Variants in TRERF1 observed in about 807,000 individuals in gnomAD.
TRERF1 encodes the protein transcriptional-regulating factor 1.
A neutral mutation model predicts 122.9 loss-of-function variants in TRERF1; 27 were observed. The ratio of observed to expected loss-of-function variants is 0.22; its 90% CI spans 0.16 to 0.30. The LOEUF (loss-of-function observed/expected upper bound fraction) is 0.30, where lower values mean the gene tolerates loss of function less well. Among genes scored for constraint, TRERF1 ranks in the 10% least tolerant of loss-of-function variants. The pLI is 1.00. For synonymous variants in TRERF1, 636 were observed against 641.7 expected, an observed-to-expected ratio of 0.99 and a Z score of 0.13; for missense variants, 1,248 against 1,560.3, an observed-to-expected ratio of 0.80 and a Z score of 3.37.
chr6:42,333,441 G>A (rs564630713), intron 3 of TRERF1, among the ~76,000 whole-genome samples: 5 of 152,294 alleles, frequency 3.3e-5, no homozygotes, highest in East Asian at 1.9e-4. Context: ...GACCCGGAAC[G>A]TTGTCCTATC....
chr6:42,383,327 A>G (rs1776269371), intron 2 of TRERF1, among the ~76,000 whole-genome samples: 1 of 152,144 alleles, frequency 6.6e-6, no homozygotes, highest in African/African-American at 2.4e-5. Flanking sequence ...GACTTCTGGG[A>G]CACTGTGTAT....
intron 3 of TRERF1, among the ~76,000 whole-genome samples, chr6:42,318,218 G>A (rs1242852111): frequency 1.3e-5 from 2 of 151,514 alleles, no homozygotes; most frequent in Non-Finnish European, 2.9e-5. Flanking sequence ...CCACTCTAAC[G>A]CTACAAGAAA....
chr6:42,307,598 T>C (rs930603458), intron 3 of TRERF1, among the ~76,000 whole-genome samples: 3 of 151,856 alleles, frequency 2.0e-5, no homozygotes, highest in African/African-American at 7.3e-5. Flanking sequence ...GGGTGGGTCA[T>C]CTGTGCTGAT....
chr6:42,427,560 T>C (rs909517256), intron 2 of TRERF1, among the ~76,000 whole-genome samples: 2 of 151,252 alleles, frequency 1.3e-5, no homozygotes, highest in Non-Finnish European at 2.9e-5. Flanking sequence ...CTTACTTTTT[T>C]TTTTTTTTGA....
rs757216186 is a variant in TRERF1, at chr6:42,228,509, G to A, written c.3439C>T (p.Leu1147=). 36 of 1,614,026 alleles carry A rather than the reference G, an allele frequency of 2.2e-5. 1 individual carries two copies. The highest frequency in any genetic ancestry group is 3.3e-4 in the Middle Eastern group (2 of 6,084). The change falls in exon 18 of 18, where the codon CTG becomes TTG. Residue 1147 remains leucine, a synonymous_variant. Coordinates refer to ENST00000372922, the Ensembl canonical transcript of TRERF1. This position sits in a 1 kb window ranked among gnomAD's most constrained non-coding sequence, Gnocchi z 4.2. ...GGTTTGATCAGACTCAGCTGGTCCA[G>A]GGGCAGCAGCCCCGGCGCCCCCACG...
chr6:42,440,976 A>G (rs1008563269), intron 2 of TRERF1, among the ~76,000 whole-genome samples: 1 of 152,108 alleles, frequency 6.6e-6, no homozygotes, highest in Non-Finnish European at 1.5e-5. Flanking sequence ...CTCTGCCTAC[A>G]TTACCACAAT....
At chr6:42,248,324 C>A (rs1368820702) in intron 13 of TRERF1, among the ~76,000 whole-genome samples, 1 of 152,058 alleles carries the variant, frequency 6.6e-6, no homozygotes, top group Non-Finnish European at 1.5e-5. Context: ...AGGGCCACCA[C>A]CCAATTTATT....
chr6:42,275,638 C>T lies in TRERF1; in HGVS notation c.-258-5790G>A, dbSNP rs1220916931. ...CAACACTGCGCTAGGCAAAGGAGACCTAGAGTGGCTTGTTCCCCTCTGCAG... is the reference window on the plus strand; with the variant it reads ...CAACACTGCGCTAGGCAAAGGAGACTTAGAGTGGCTTGTTCCCCTCTGCAG... On this transcript the variant is annotated intron_variant, in intron 4 of 17. Transcript: ENST00000372922. The surrounding 1 kb of genome is among the most constrained non-coding windows in gnomAD (Gnocchi z 4.1). Among the ~76,000 whole-genome samples the T allele has an allele frequency of 6.6e-6, 1 of 152,242 alleles. No homozygotes were observed. The highest frequency in any genetic ancestry group is 2.4e-5 in the African/African-American group (1 of 41,464).
intron 2 of TRERF1, among the ~76,000 whole-genome samples, chr6:42,450,440 G>A (rs1029036268): frequency 3.5e-4 from 53 of 152,338 alleles, no homozygotes; most frequent in African/African-American, 1.1e-3. Context: ...ATCCCCTTCA[G>A]TACTGGCACT....
chr6:42,261,950 C>T (rs968388644), intron 8 of TRERF1, among the ~76,000 whole-genome samples: 6 of 152,192 alleles, frequency 3.9e-5, no homozygotes, highest in Non-Finnish European at 8.8e-5. Flanking sequence ...AATTTCTTGT[C>T]TGCCCCTGTC....
rs1051185481 is a variant in TRERF1, at chr6:42,396,933, C to T, written c.-453-33854G>A. On this transcript the variant is annotated intron_variant, in intron 2 of 17. Transcript: ENST00000372922. ...TACACACACCCTGAAGGAGGCGCTG[C>T]GGCCCTCACCCACAAACCCCCTTGG... is the stretch of plus-strand genomic sequence containing the variant. Among the ~76,000 whole-genome samples the T allele has an allele frequency of 3.9e-5, 6 of 152,258 alleles. No individual in the cohort carries two copies. The East Asian group carries it at 5.8e-4, about 15-fold the overall frequency.
At position 42,393,512 on chromosome 6, in the gene TRERF1, C is replaced by T. The variant is rs1778090287; in HGVS notation, c.-453-30433G>A. Among the ~76,000 whole-genome samples the T allele has an allele frequency of 1.3e-5, 2 of 152,184 alleles. No individual in the cohort carries two copies. The highest frequency in any genetic ancestry group is 1.3e-4 in the Admixed American group (2 of 15,278). On this transcript the variant is annotated intron_variant, in intron 2 of 17. Coordinates refer to ENST00000372922, the Ensembl canonical transcript of TRERF1. The surrounding 1 kb of genome is among the most constrained non-coding windows in gnomAD (Gnocchi z 4.1). ...CAGCACTTAAGCAGATGGTGAATTC[C>T]CTGCAGAGTGCAAAGGTCACGGGAG...
chr6:42,293,025 T>C (rs1784549409), intron 4 of TRERF1, among the ~76,000 whole-genome samples: 1 of 152,214 alleles, frequency 6.6e-6, no homozygotes, highest in Non-Finnish European at 1.5e-5. Context: ...TTTAAGGAAC[T>C]GGGGACACAC....
chr6:42,291,697 C>T (rs544402812), intron 4 of TRERF1, among the ~76,000 whole-genome samples: 55 of 151,396 alleles, frequency 3.6e-4, no homozygotes, highest in African/African-American at 1.3e-3. Flanking sequence ...CCACGCCCGG[C>T]TGTTTTTTTT....
intron 12 of TRERF1, among the ~76,000 whole-genome samples, chr6:42,255,687 C>T (rs1416096942): frequency 1.3e-5 from 2 of 152,154 alleles, no homozygotes; most frequent in Non-Finnish European, 2.9e-5. Context: ...GGACAGTTCT[C>T]CAGCATTCTA....
chr6:42,361,922 A>T (rs1023262559), intron 3 of TRERF1, among the ~76,000 whole-genome samples: 2 of 152,286 alleles, frequency 1.3e-5, no homozygotes, highest in African/African-American at 4.8e-5. Flanking sequence ...CAATAAGGAT[A>T]TTTATTCTTT....
intron 2 of TRERF1, among the ~76,000 whole-genome samples, chr6:42,373,057 G>A (rs1203974895): frequency 6.6e-6 from 1 of 152,226 alleles, no homozygotes; most frequent in African/African-American, 2.4e-5. Context: ...TATGGTTGTT[G>A]TAAAGATTTA....
intron 3 of TRERF1, among the ~76,000 whole-genome samples, chr6:42,319,619 C>T (rs1036938729): frequency 1.6e-4 from 25 of 151,946 alleles, no homozygotes; most frequent in South Asian, 2.1e-4. Context: ...CCCAGGAGTT[C>T]GAAACTAGGC....
rs139909955 is a variant in TRERF1 at position 42,276,549 on chromosome 6, G to A, written c.-258-6701C>T. Reference sequence around the variant, plus strand: ...CCCTAAGCAGGCAGGAGCCAAGGGCGGCTCTCCAGGATGTGGGCCGCAGTT... The same window carrying A: ...CCCTAAGCAGGCAGGAGCCAAGGGCAGCTCTCCAGGATGTGGGCCGCAGTT... On this transcript the variant is annotated intron_variant, in intron 4 of 17. Transcript: ENST00000372922. The surrounding 1 kb of genome is among the most constrained non-coding windows in gnomAD (Gnocchi z 4.3). Among the ~76,000 whole-genome samples, 2,011 of 152,288 alleles carry A rather than the reference G, an allele frequency of 0.013. 20 individuals carry two copies. Among genetic ancestry groups the A allele is most frequent in the South Asian group, 0.033 (158 of 4,828 alleles).
Sources: gnomAD v4.1 joint callset for allele counts (sites outside exome capture counted in the v4.1 genomes callset) on GRCh38, gnomAD v4.1.1 for gene constraint, Gnocchi (gnomAD v3.1) non-coding constraint, MANE v1.5 for transcripts, NCBI Gene and HGNC (gene_info 2026-07-23, HGNC 2026-07-21) for gene names.